Variants in LIPE observed in about 807,000 individuals in gnomAD.
The protein encoded by LIPE is lipase E, hormone sensitive type.
Under a neutral mutation model 88.5 loss-of-function variants are expected in LIPE, and 66 were observed. The observed-to-expected ratio is 0.75, with a 90% CI of 0.61 to 0.91. The LOEUF (loss-of-function observed/expected upper bound fraction) is 0.91, where lower values mean the gene tolerates loss of function less well. Ranked by LOEUF, LIPE falls within the 40% of genes least tolerant of loss-of-function variation. The pLI is 0.00. For synonymous variants in LIPE, 570 were observed against 617.5 expected, an observed-to-expected ratio of 0.92 and a Z score of 1.14; for missense variants, 1,346 against 1,434.7, an observed-to-expected ratio of 0.94 and a Z score of 1.00.
intron 1 of LIPE, among the ~76,000 whole-genome samples, chr19:42,412,896 G>A (rs544115359): frequency 3.9e-5 from 6 of 152,300 alleles, no homozygotes; most frequent in African/African-American, 1.4e-4. Context: ...GTCCCTCCTG[G>A]AAGGACAAAA....
At chr19:42,423,354 G>C (rs898423661) in intron 1 of LIPE, 1 of 1,211,944 alleles carries the variant, frequency 8.3e-7, no homozygotes, top group African/African-American at 1.6e-5. Flanking sequence ...AGTCCACGCT[G>C]TCCCCACTGC....
chr19:42,426,735 G>T lies in LIPE; in HGVS notation c.415C>A (p.Pro139Thr). ...PALRQRHVAQ[P>T]GPGPGEPPPA... is the part of the protein sequence containing the mutation. ...GGTGGCTCTCCTGGCCCAGGCCCTG[G>T]CTGGGCTACATGTCTTTGTCTCAAT... Residue 139 changes from proline to threonine, a missense_variant, in exon 1 of 10, where the codon CCA becomes ACA. Physicochemically the swap from Pro to Thr is conservative, Grantham distance 38. Coordinates refer to ENST00000244289, the MANE Select transcript of LIPE (RefSeq NM_005357.4). 1 of 1,614,202 alleles carries T rather than the reference G, an allele frequency of 6.2e-7. No individual in the cohort carries two copies. The highest frequency in any genetic ancestry group is 8.5e-7 in the Non-Finnish European group (1 of 1,180,040).
At chr19:42,405,976 T>TCTCACACA (rs1367305518) in intron 7 of LIPE, 185 bp downstream of exon 7, 169 of 418,614 alleles carry the variant, frequency 4.0e-4, no homozygotes, top group Admixed American at 3.0e-3. Flanking sequence ...TCTCTCTCTC[T>TCTCACACA]CACACACACA....
intron 9 of LIPE, 29 bp downstream of exon 9, chr19:42,402,578 C>A: frequency 6.8e-7 from 1 of 1,461,054 alleles, no homozygotes; most frequent in East Asian, 2.4e-5. Flanking sequence ...TCTCTAAATG[C>A]ACCTGTACCG....
At position 42,407,354 on chromosome 19, in the gene LIPE, C is replaced by G. The variant is rs368796207; in HGVS notation, c.1957G>C (p.Gly653Arg). Residue 653 changes from glycine to arginine, a missense_variant, in exon 6 of 10, where the codon GGT becomes CGT. Gly to Arg is a moderately radical substitution (Grantham distance 125). Coordinates refer to ENST00000244289, the MANE Select transcript of LIPE (RefSeq NM_005357.4). The surrounding 1 kb of genome is among the most constrained non-coding windows in gnomAD (Gnocchi z 5.8). Reference protein sequence around the residue: ...SRSLIVHFHGGGFVAQTSRSH... With the variant: ...SRSLIVHFHGRGFVAQTSRSH... ...CTGGAGGTCTGGGCCACAAAGCCAC[C>G]GCCGTGGAAGTGCACTATCAGGGAC... The G allele has an allele frequency of 6.2e-7, 1 of 1,612,926 alleles. No individual in the cohort carries two copies. The highest frequency in any genetic ancestry group is 8.5e-7 in the Non-Finnish European group (1 of 1,179,658).
At chr19:42,415,767 G>A (rs990522511) in intron 1 of LIPE, among the ~76,000 whole-genome samples, 3 of 151,058 alleles carry the variant, frequency 2.0e-5, no homozygotes, top group Admixed American at 6.6e-5. Context: ...CCGAGATCGC[G>A]CCACTGCACT....
In LIPE at chr19:42,406,400, G is replaced by A. The variant is rs1600111803; in HGVS notation, c.2138-12C>T. ...TTCCCCTGTTGAGCCTGGTTTGGGAGAGGGGTGGTTGGTGACAACCTGGCA... is the reference window on the plus strand; with the variant it reads ...TTCCCCTGTTGAGCCTGGTTTGGGAAAGGGGTGGTTGGTGACAACCTGGCA... On this transcript the variant is annotated splice_polypyrimidine_tract_variant and intron_variant, in intron 6 of 9. Coordinates refer to ENST00000244289, the MANE Select transcript of LIPE (RefSeq NM_005357.4). This position sits in a 1 kb window ranked among gnomAD's most constrained non-coding sequence, Gnocchi z 5.7. 7 of 1,606,948 alleles carry A rather than the reference G, an allele frequency of 4.4e-6. No homozygotes were observed. The African/African-American group carries it at 9.3e-5, about 21-fold the overall frequency.
At chr19:42,416,494 T>C (rs2040490463) in intron 1 of LIPE, among the ~76,000 whole-genome samples, 2 of 152,088 alleles carry the variant, frequency 1.3e-5, no homozygotes, top group South Asian at 4.1e-4. Flanking sequence ...TGGAAGAAGA[T>C]GCCATCCAGG....
intron 2 of LIPE, among the ~76,000 whole-genome samples, chr19:42,409,941 T>C (rs1356644231): frequency 6.6e-6 from 1 of 151,994 alleles, no homozygotes; most frequent in African/African-American, 2.4e-5. Context: ...AGAATGACTA[T>C]AGGGTCACAT....
intron 1 of LIPE, chr19:42,423,419 C>G: frequency 7.8e-7 from 1 of 1,289,610 alleles, no homozygotes; most frequent in Non-Finnish European, 1.0e-6. Context: ...GCGCGCTCAC[C>G]TTTGGCCTTG....
At chr19:42,424,865 GGGGCAGCACTGGGCCCC>G in intron 1 of LIPE, 1 of 352,284 alleles carries the variant, frequency 2.8e-6, no homozygotes, top group Non-Finnish European at 5.6e-6. Context: ...AAGCAGGCAG[GGGGCAGCACTGGGCCCC>G]GGGAAGAGGC....
In LIPE at chr19:42,408,427, C is replaced by T. The variant is rs767986054; in HGVS notation, c.1420-105G>A. 24 of 901,228 alleles carry T rather than the reference C, an allele frequency of 2.7e-5. No homozygotes were observed. The highest frequency in any genetic ancestry group is 4.1e-5 in the South Asian group (3 of 73,596). 55.8% of individuals were successfully genotyped at this position (901,228 alleles called of 1,614,324 possible). ...GGGGAAGACACATTCATTCAGTAAACGTTTCATGAGCTCCTACTGTGTGCT... is the reference window on the plus strand; with the variant it reads ...GGGGAAGACACATTCATTCAGTAAATGTTTCATGAGCTCCTACTGTGTGCT... On this transcript the variant is annotated intron_variant, in intron 2 of 9. Transcript: ENST00000244289. This position sits in a 1 kb window ranked among gnomAD's most constrained non-coding sequence, Gnocchi z 4.3.
chr19:42,412,019 C>A (rs957979174), intron 1 of LIPE, among the ~76,000 whole-genome samples: 1 of 152,218 alleles, frequency 6.6e-6, no homozygotes, highest in African/African-American at 2.4e-5. Context: ...GTAAACCCAG[C>A]TCTCTGGGTC....
At chr19:42,405,958 T>C (rs1037630201) in intron 7 of LIPE, 17 of 584,684 alleles carry the variant, frequency 2.9e-5, no homozygotes, top group Non-Finnish European at 4.5e-5. Context: ...CTTGTGTCTG[T>C]CTGTCTCTCT....
chr19:42,408,877 T>A lies in LIPE; in HGVS notation c.1420-555A>T, dbSNP rs1263369827. Among the ~76,000 whole-genome samples, 1 of 149,584 alleles carries A rather than the reference T, an allele frequency of 6.7e-6. No homozygotes were observed. The highest frequency in any genetic ancestry group is 1.5e-5 in the Non-Finnish European group (1 of 67,530). The stretch of plus-strand genomic sequence containing the variant: ...TGGTGCTTGACCTGGGTAGCGACAG[T>A]CAGGGGGCCAGTGTGGCTGGAGCAG... On this transcript the variant is annotated intron_variant, in intron 2 of 9. Coordinates refer to ENST00000244289, the MANE Select transcript of LIPE (RefSeq NM_005357.4). This position sits in a 1 kb window ranked among gnomAD's most constrained non-coding sequence, Gnocchi z 4.3.
intron 9 of LIPE, 113 bp downstream of exon 9, chr19:42,402,494 T>G: frequency 1.0e-6 from 1 of 953,558 alleles, no homozygotes; most frequent in Non-Finnish European, 1.5e-6. Flanking sequence ...GCCTGTCCCT[T>G]TCTCCCCACT....
intron 1 of LIPE, among the ~76,000 whole-genome samples, chr19:42,419,634 T>C (rs34760209): frequency 0.039 from 5,248 of 133,570 alleles, 283 homozygotes; most frequent in African/African-American, 0.13. Flanking sequence ...GAAGAGTTTC[T>C]GGACAGCTGA....
At chr19:42,412,093 T>C (rs2040391596) in intron 1 of LIPE, among the ~76,000 whole-genome samples, 2 of 152,228 alleles carry the variant, frequency 1.3e-5, no homozygotes, top group African/African-American at 4.8e-5. Flanking sequence ...AAACTTGCCC[T>C]GGACTACGTC....
chr19:42,410,358 C>T lies in LIPE; in HGVS notation c.1368G>A (p.Glu456=). 1 of 1,613,372 alleles carries T rather than the reference C, an allele frequency of 6.2e-7. No homozygotes were observed. Among genetic ancestry groups the T allele is most frequent in the Non-Finnish European group, 8.5e-7 (1 of 1,179,642 alleles). Residue 456 remains glutamate (E), a synonymous_variant, in exon 2 of 10, where the codon GAG becomes GAA. Transcript: ENST00000244289. This position sits in a 1 kb window ranked among gnomAD's most constrained non-coding sequence, Gnocchi z 6.1. ...DEGLTADFLR[E]YVTLHKGCFY... is the part of the protein sequence containing the mutation. The stretch of plus-strand genomic sequence containing the variant: ...AGCATCCCTTATGCAGCGTGACATA[C>T]TCCCGGAGGAAGTCGGCGGTGAGCC...
Sources: allele counts gnomAD v4.1 joint callset (sites outside exome capture counted in the v4.1 genomes callset), GRCh38; gene constraint gnomAD v4.1.1; non-coding constraint Gnocchi (gnomAD v3.1); transcripts MANE v1.5; gene names NCBI Gene and HGNC (gene_info 2026-07-23, HGNC 2026-07-21).